The following ZNF385D variants were observed in gnomAD, a reference collection of about 807,000 sequenced individuals.
The protein encoded by ZNF385D is zinc finger protein 385D.
In ZNF385D, 15 loss-of-function variants were observed where a neutral mutation model predicts 35.8. That is an observed-to-expected ratio of 0.42 (90% CI 0.28 to 0.64). ZNF385D has a LOEUF of 0.64. ZNF385D is among the 30% of genes least tolerant of loss of function. The pLI, the probability that ZNF385D is intolerant of heterozygous loss-of-function variation, is 0.23. For missense variants in ZNF385D, 474 were observed against 494.6 expected (o/e 0.96, Z 0.39); for synonymous variants, 212 against 186.8 (o/e 1.13, Z -1.10).
Position 21,979,238 on chromosome 3 carries a change from C to A in ZNF385D, c.325+189579G>T, listed in dbSNP as rs115666832. The stretch of plus-strand genomic sequence containing the variant: ...GGTATTTTGTTATTGCCCTGTATAA[C>A]TGCACCAAACAGAAGGGGGAAAAAA... On this transcript the variant is annotated intron_variant, in intron 3 of 5. Transcript: ENST00000494108. Among the ~76,000 whole-genome samples the A allele has an allele frequency of 2.0e-3, 311 of 152,192 alleles. 1 individual carries two copies. Among genetic ancestry groups the A allele is most frequent in the African/African-American group, 6.7e-3 (277 of 41,522 alleles).
chr3:21,465,893 C>G lies in ZNF385D; in HGVS notation c.440-28690G>C, dbSNP rs1411552765. 3.9e-5 allele frequency among the ~76,000 whole-genome samples: 6 copies of G among 152,186 alleles called. No homozygotes were observed. Among genetic ancestry groups the G allele is most frequent in the Non-Finnish European group, 8.8e-5 (6 of 68,040 alleles). Reference sequence around the variant, plus strand: ...TCATTCTCCATCACACCTCAGGATACAGGAGCTGCCGTGAGCACAAATAGA... The same window carrying G: ...TCATTCTCCATCACACCTCAGGATAGAGGAGCTGCCGTGAGCACAAATAGA... On this transcript the variant is annotated intron_variant, in intron 4 of 7. Transcript: ENST00000281523. The surrounding 1 kb of genome is among the most constrained non-coding windows in gnomAD (Gnocchi z 4.2).
At chr3:22,079,603 T>C (rs2620555) in intron 3 of ZNF385D, among the ~76,000 whole-genome samples, 18,235 of 151,928 alleles carry the variant, frequency 0.12, 1,371 homozygotes, top group Middle Eastern at 0.23. Context: ...TATTGGGAAA[T>C]GACAGCATCC....
chr3:22,024,563 G>C (rs1232335960), intron 3 of ZNF385D, among the ~76,000 whole-genome samples: 1 of 152,008 alleles, frequency 6.6e-6, no homozygotes, highest in Non-Finnish European at 1.5e-5. Context: ...ATGGAGAACT[G>C]TTAATAGTAT....
intron 2 of ZNF385D, among the ~76,000 whole-genome samples, chr3:22,245,662 C>A (rs974993326): frequency 6.7e-6 from 1 of 148,732 alleles, no homozygotes; most frequent in Non-Finnish European, 1.5e-5. Flanking sequence ...GTGTGTGCTG[C>A]TGCACAACTA....
At chr3:21,670,081 C>T (rs867049973) in intron 1 of ZNF385D, among the ~76,000 whole-genome samples, 4 of 152,054 alleles carry the variant, frequency 2.6e-5, no homozygotes, top group African/African-American at 7.2e-5. Context: ...AAAATGATCA[C>T]GGATTGCCAC....
At chr3:21,606,134 A>C (rs1320341234) in intron 2 of ZNF385D, among the ~76,000 whole-genome samples, 1 of 152,136 alleles carries the variant, frequency 6.6e-6, no homozygotes, top group Non-Finnish European at 1.5e-5. Context: ...CAGAGAACAT[A>C]TTCTCCAAAC....
At chr3:22,228,348 G>T (rs960606798) in intron 2 of ZNF385D, among the ~76,000 whole-genome samples, 35 of 152,098 alleles carry the variant, frequency 2.3e-4, no homozygotes, top group African/African-American at 8.2e-4. Context: ...CAGCAGGTTG[G>T]CAGGTCACTG....
At chr3:22,181,422 C>T (rs952885879) in intron 2 of ZNF385D, among the ~76,000 whole-genome samples, 3 of 152,002 alleles carry the variant, frequency 2.0e-5, no homozygotes, top group African/African-American at 4.8e-5. Flanking sequence ...GGTGGCCGGG[C>T]GCGGTGTCTC....
intron 4 of ZNF385D, among the ~76,000 whole-genome samples, chr3:21,482,383 A>C (rs1220811318): frequency 6.6e-6 from 1 of 152,324 alleles, no homozygotes; most frequent in East Asian, 1.9e-4. Context: ...ACAATGGCAG[A>C]ATCAGTAACT....
chr3:21,533,230 A>G (rs1263695383), intron 3 of ZNF385D, among the ~76,000 whole-genome samples: 1 of 151,788 alleles, frequency 6.6e-6, no homozygotes, highest in Non-Finnish European at 1.5e-5. Flanking sequence ...ACCATTTAAC[A>G]TGAGCAGAGG....
intron 3 of ZNF385D, among the ~76,000 whole-genome samples, chr3:21,922,118 C>T (rs1036386437): frequency 6.6e-6 from 1 of 151,478 alleles, no homozygotes; most frequent in Non-Finnish European, 1.5e-5. Flanking sequence ...ATACAAAACA[C>T]TGCTAAAAGA....
At chr3:21,514,794 T>G (rs1707453996) in intron 3 of ZNF385D, among the ~76,000 whole-genome samples, 1 of 152,082 alleles carries the variant, frequency 6.6e-6, no homozygotes. Context: ...TATTGTTCTT[T>G]GCTCAATTAA....
chr3:21,987,989 G>C (rs1306428901), intron 3 of ZNF385D, among the ~76,000 whole-genome samples: 1 of 145,974 alleles, frequency 6.9e-6, no homozygotes, highest in Non-Finnish European at 1.5e-5. Flanking sequence ...CATTCTTCAC[G>C]TAGTTCTCGA....
At chr3:22,331,710 A>G (rs532097609) in intron 2 of ZNF385D, among the ~76,000 whole-genome samples, 2 of 152,242 alleles carry the variant, frequency 1.3e-5, no homozygotes, top group South Asian at 2.1e-4. Context: ...CTACCAAAAT[A>G]TATTGCCCAA....
chr3:21,512,413 AAAT>A (rs1423923853), intron 3 of ZNF385D, among the ~76,000 whole-genome samples: 4 of 152,274 alleles, frequency 2.6e-5, no homozygotes, highest in Admixed American at 2.6e-4. Flanking sequence ...CTTTGCCAAA[AAAT>A]AATAATCACA....
intron 3 of ZNF385D, among the ~76,000 whole-genome samples, chr3:22,142,926 T>C (rs1704605457): frequency 1.3e-5 from 2 of 152,118 alleles, no homozygotes; most frequent in Non-Finnish European, 2.9e-5. Flanking sequence ...AGTCCCAGGA[T>C]ACTGCACTAT....
intron 2 of ZNF385D, among the ~76,000 whole-genome samples, chr3:21,626,796 A>G (rs1383523673): frequency 6.6e-6 from 1 of 152,100 alleles, no homozygotes; most frequent in African/African-American, 2.4e-5. Flanking sequence ...GAATAGGGAA[A>G]GAGAACCAAG....
At chr3:21,615,793 A>AGTGTGTGTGTGTGTGTGTGTGTGTGT (rs144521609) in intron 2 of ZNF385D, among the ~76,000 whole-genome samples, 24 of 145,354 alleles carry the variant, frequency 1.7e-4, no homozygotes, top group South Asian at 9.1e-4. Context: ...ATGGAGAAAG[A>AGTGTGTGTGTGTGTGTGTGTGTGTGT]GTGTGTGTGT....
intron 3 of ZNF385D, among the ~76,000 whole-genome samples, chr3:22,050,743 T>G (rs1699301623): frequency 6.6e-6 from 1 of 152,228 alleles, no homozygotes; most frequent in African/African-American, 2.4e-5. Flanking sequence ...ATTAATTCAT[T>G]GTGTATTATG....
Sources: allele counts gnomAD v4.1 joint callset (sites outside exome capture counted in the v4.1 genomes callset), GRCh38; gene constraint gnomAD v4.1.1; non-coding constraint Gnocchi (gnomAD v3.1); transcripts MANE v1.5; gene names NCBI Gene and HGNC (gene_info 2026-07-23, HGNC 2026-07-21).